FRG1: variants seen among roughly 807,000 people sequenced by gnomAD.
FRG1 encodes FSHD region gene 1.
A neutral mutation model predicts 37.0 loss-of-function variants in FRG1; 19 were observed. The ratio of observed to expected loss-of-function variants is 0.51; its 90% confidence interval spans 0.36 to 0.75. The LOEUF (loss-of-function observed/expected upper bound fraction) is 0.75. Ranked by LOEUF, FRG1 falls within the 30% of genes least tolerant of loss-of-function variation. The pLI is 0.00. For synonymous variants in FRG1, 73 were observed against 96.5 expected (o/e 0.76, Z 1.43); for missense variants, 243 against 301.4 (o/e 0.81, Z 1.44).
intron 2 of FRG1, among the ~76,000 whole-genome samples, chr4:189,948,694 TG>T (rs1736630878): frequency 5.2e-5 from 4 of 77,500 alleles, no homozygotes; most frequent in East Asian, 3.8e-4. Context: ...GCCATTTTTT[TG>T]TTTTGTTTTT....
At chr4:189,947,465 C>T (rs541291993) in intron 2 of FRG1, among the ~76,000 whole-genome samples, 1 of 152,270 alleles carries the variant, frequency 6.6e-6, no homozygotes, top group South Asian at 2.1e-4. Context: ...CAAGCCTGGG[C>T]CTTTGTTAGT....
At chr4:189,959,614 A>G (rs1487815686) in intron 6 of FRG1, among the ~76,000 whole-genome samples, 1 of 152,196 alleles carries the variant, frequency 6.6e-6, no homozygotes, top group East Asian at 1.9e-4. Flanking sequence ...ATTATTTTGC[A>G]TCTGGATATC....
chr4:189,960,742 A>G lies in FRG1; in HGVS notation c.538-6A>G. 1 of 1,594,094 alleles carries G rather than the reference A, an allele frequency of 6.3e-7. No individual in the cohort carries two copies. The highest frequency in any genetic ancestry group is 1.1e-5 in the South Asian group (1 of 88,296). On this transcript the variant is annotated splice_region_variant and splice_polypyrimidine_tract_variant and intron_variant, in intron 6 of 8. Transcript: ENST00000226798. ...AACCCATTGGATTCTCTTTTCCAAT[A>G]TCTAGATTAGATCCTGTGCTGAAAG... is the stretch of plus-strand genomic sequence containing the variant.
chr4:189,945,532 G>A lies in FRG1; in HGVS notation c.133+2260G>A, dbSNP rs113389754. On this transcript the variant is annotated intron_variant, in intron 2 of 8. Coordinates refer to ENST00000226798, the MANE Select transcript of FRG1 (RefSeq NM_004477.3). Reference sequence around the variant, plus strand: ...TTATACAGCTTTCTTCATTCTGCCAGTGGATTATATTGGTTTCATTTTCAA... The same window carrying A: ...TTATACAGCTTTCTTCATTCTGCCAATGGATTATATTGGTTTCATTTTCAA... Among the ~76,000 whole-genome samples, 79 of 152,280 alleles carry A rather than the reference G, an allele frequency of 5.2e-4. 1 individual carries two copies. The highest frequency in any genetic ancestry group is 1.9e-3 in the African/African-American group (78 of 41,550).
At chr4:189,954,925 G>T in intron 4 of FRG1, 112 bp from the exon 5 acceptor site, 1 of 637,496 alleles carries the variant, frequency 1.6e-6, no homozygotes, top group South Asian at 2.1e-5. Context: ...AATATGTGCA[G>T]TCTGAAATTT....
intron 6 of FRG1, among the ~76,000 whole-genome samples, chr4:189,959,128 C>T (rs1390461540): frequency 6.6e-6 from 1 of 152,204 alleles, no homozygotes; most frequent in African/African-American, 2.4e-5. Flanking sequence ...TCTATCAAAT[C>T]TCTGTACATA....
intron 2 of FRG1, among the ~76,000 whole-genome samples, chr4:189,947,999 C>A (rs1206901147): frequency 6.6e-6 from 1 of 152,182 alleles, no homozygotes; most frequent in African/African-American, 2.4e-5. Context: ...TCTCTGAAAA[C>A]AGTTTTCTCA....
chr4:189,941,965 G>C, intron 1 of FRG1: 1 of 338,496 alleles, frequency 3.0e-6, no homozygotes, highest in South Asian at 2.2e-5. Context: ...GAACCCTCTC[G>C]AGGAGTCTGG....
chr4:189,948,687 A>G (rs200164419), intron 2 of FRG1, among the ~76,000 whole-genome samples: 1 of 70,900 alleles, frequency 1.4e-5, no homozygotes, highest in Non-Finnish European at 3.2e-5. Context: ...GCATTGGGCC[A>G]TTTTTTTGTT....
Position 189,957,420 on chromosome 4 carries a change from C to T in FRG1, c.455C>T (p.Ser152Leu). The change falls in exon 6 of 9, where the codon TCA becomes TTA. Residue 152 changes from serine to leucine, a missense_variant. Ser to Leu is a moderately radical substitution (Grantham distance 145). This residue lies in a region of FRG1 where 133 missense variants were observed against 199.3 expected (regional missense o/e 0.67). Transcript: ENST00000226798. ...TAGGGGAAAATGGCTTTGTTGGCCT[C>T]AAATAGCTGCTTTATTAGATGCAAT... ...FQNGKMALLA[S>L]NSCFIRCNEA... is the part of the protein sequence containing the mutation. 1 of 1,612,244 alleles carries T rather than the reference C, an allele frequency of 6.2e-7. No homozygotes were observed. The highest frequency in any genetic ancestry group is 1.3e-5 in the African/African-American group (1 of 74,744).
intron 4 of FRG1, among the ~76,000 whole-genome samples, chr4:189,954,726 C>G (rs547238934): frequency 6.6e-6 from 1 of 151,842 alleles, no homozygotes; most frequent in Admixed American, 6.6e-5. Context: ...TCCCAAGTAG[C>G]TGGTATCACA....
At chr4:189,946,290 A>G (rs1365833088) in intron 2 of FRG1, among the ~76,000 whole-genome samples, 1 of 149,338 alleles carries the variant, frequency 6.7e-6, no homozygotes, top group African/African-American at 2.5e-5. Flanking sequence ...CATAAAATAC[A>G]CTAACGATAA....
At chr4:189,948,990 C>G (rs1300648085) in intron 2 of FRG1, among the ~76,000 whole-genome samples, 2 of 152,196 alleles carry the variant, frequency 1.3e-5, no homozygotes, top group Non-Finnish European at 2.9e-5. Flanking sequence ...CATATGTAAA[C>G]ATTCTAAACT....
chr4:189,956,271 G>A (rs757027207), intron 5 of FRG1, among the ~76,000 whole-genome samples: 7 of 151,836 alleles, frequency 4.6e-5, no homozygotes, highest in Non-Finnish European at 7.4e-5. Flanking sequence ...TTCATGACCC[G>A]CTAATGTGTT....
intron 6 of FRG1, among the ~76,000 whole-genome samples, chr4:189,960,534 C>G (rs537615765): frequency 6.6e-6 from 1 of 152,298 alleles, no homozygotes; most frequent in African/African-American, 2.4e-5. Context: ...GTTTCTGACA[C>G]AATGCTGTGG....
At position 189,944,377 on chromosome 4, in the gene FRG1, CA is replaced by C. The variant is rs1736442038; in HGVS notation, c.133+1106del. On this transcript the variant is annotated intron_variant, in intron 2 of 8. Transcript: ENST00000226798. ...GTTTTTAGTAGCAACAGGGTTTCAC[CA>C]TGTTAGCCAGGATGGTCAGAAGCTT... Among the ~76,000 whole-genome samples, 3 of 152,226 alleles carry C rather than the reference CA, an allele frequency of 2.0e-5. No individual in the cohort carries two copies. The South Asian group carries it at 6.2e-4, about 32-fold the overall frequency.
chr4:189,945,706 C>A (rs1480277723), intron 2 of FRG1, among the ~76,000 whole-genome samples: 1 of 151,834 alleles, frequency 6.6e-6, no homozygotes, highest in Non-Finnish European at 1.5e-5. Context: ...AGATATTGGA[C>A]TTTTGTATCC....
chr4:189,944,232 A>C (rs955852547), intron 2 of FRG1, among the ~76,000 whole-genome samples: 3 of 152,100 alleles, frequency 2.0e-5, no homozygotes, highest in African/African-American at 7.2e-5. Flanking sequence ...GCTGGAATGC[A>C]GTGATGCGAT....
At position 189,957,407 on chromosome 4, in the gene FRG1, G is replaced by T; in HGVS notation, c.442G>T (p.Ala148Ser). ...TATTTGTTTCACTTAGGGGAAAATG[G>T]CTTTGTTGGCCTCAAATAGCTGCTT... ...WEPVFQNGKM[A>S]LLASNSCFIR... is the part of the protein sequence containing the mutation. The change falls in exon 6 of 9, where the codon GCT (alanine) becomes TCT (serine). Residue 148 changes from alanine (A) to serine (S), a missense_variant. Around this residue, in one of 2 missense-constraint regions of FRG1, gnomAD observed 133 missense variants for 199.3 expected, o/e 0.67. Transcript: ENST00000226798. The T allele has an allele frequency of 1.3e-6, 2 of 1,593,506 alleles. No homozygotes were observed. Among genetic ancestry groups the T allele is most frequent in the East Asian group, 2.3e-5 (1 of 43,964 alleles).
Sources: gnomAD v4.1 joint callset for allele counts (sites outside exome capture counted in the v4.1 genomes callset) on GRCh38, gnomAD v4.1.1 for gene constraint, gnomAD v4.1.1 regional missense constraint, MANE v1.5 for transcripts, NCBI Gene and HGNC (gene_info 2026-07-23, HGNC 2026-07-21) for gene names.